CD28: variants seen among roughly 807,000 people sequenced by gnomAD.
The protein encoded by CD28 is CD28 molecule.
Under a neutral mutation model 21.4 loss-of-function variants are expected in CD28, and 8 were observed. The ratio of observed to expected loss-of-function variants is 0.37; its 90% CI spans 0.22 to 0.68. CD28 has a LOEUF of 0.68. Among genes scored for constraint, CD28 ranks in the 30% least tolerant of loss-of-function variants. CD28 has a pLI of 0.55. For missense variants in CD28, 239 were observed against 272.2 expected, an observed-to-expected ratio of 0.88 and a Z score of 0.86; for synonymous variants, 106 against 104.0, an observed-to-expected ratio of 1.02 and a Z score of -0.12.
At chr2:203,708,930 G>GC (rs1192424508) in intron 1 of CD28, among the ~76,000 whole-genome samples, 4 of 152,112 alleles carry the variant, frequency 2.6e-5, no homozygotes, top group African/African-American at 9.7e-5. Context: ...GACCCGTCGG[G>GC]CTAACATGGT....
intron 1 of CD28, among the ~76,000 whole-genome samples, chr2:203,716,189 C>T (rs1038844226): frequency 1.3e-5 from 2 of 152,146 alleles, no homozygotes; most frequent in Non-Finnish European, 2.9e-5. Flanking sequence ...CTGCCAGTTC[C>T]CAATAAACTC....
chr2:203,713,454 AG>A (rs1264519070), intron 1 of CD28, among the ~76,000 whole-genome samples: 1 of 152,178 alleles, frequency 6.6e-6, no homozygotes, highest in Non-Finnish European at 1.5e-5. Flanking sequence ...TGAGAGAGGC[AG>A]GGGGACACAG....
chr2:203,720,399 T>C (rs1693575845), intron 1 of CD28, among the ~76,000 whole-genome samples: 1 of 152,228 alleles, frequency 6.6e-6, no homozygotes, highest in Non-Finnish European at 1.5e-5. Flanking sequence ...ACAATGTTTC[T>C]TTTAACCTAG....
intron 1 of CD28, among the ~76,000 whole-genome samples, chr2:203,710,891 T>G (rs971024585): frequency 6.6e-6 from 1 of 152,192 alleles, no homozygotes; most frequent in Non-Finnish European, 1.5e-5. Flanking sequence ...GTTGGTTAAA[T>G]TTTTGTTTGC....
chr2:203,713,865 GAGAGAGAGAGAC>G (rs1340426865), intron 1 of CD28, among the ~76,000 whole-genome samples: 1 of 147,026 alleles, frequency 6.8e-6, no homozygotes, highest in African/African-American at 2.5e-5. Flanking sequence ...GAGAGAGAGA[GAGAGAGAGAGAC>G]AGAGAGAGAG....
In CD28 at chr2:203,726,648, T is replaced by C; in HGVS notation, c.68T>C (p.Val23Ala). The change falls in exon 2 of 4, where the codon GTG becomes GCG. Residue 23 changes from valine to alanine, a missense_variant. Physicochemically the swap from Val to Ala is moderately conservative, Grantham distance 64. Transcript: ENST00000324106. Reference sequence around the variant, plus strand: ...TTTCCCCCAGGAAACAAGATTTTGGTGAAGCAGTCGCCCATGCTTGTAGCG... The same window carrying C: ...TTTCCCCCAGGAAACAAGATTTTGGCGAAGCAGTCGCCCATGCTTGTAGCG... ...SIQVTGNKILVKQSPMLVAYD... is the reference protein window; with the variant it reads ...SIQVTGNKILAKQSPMLVAYD... 6.2e-7 allele frequency: 1 copy of C among 1,603,636 alleles called. No homozygotes were observed. Among genetic ancestry groups the C allele is most frequent in the Non-Finnish European group, 8.5e-7 (1 of 1,173,416 alleles).
rs1485131957 is a variant in CD28, at chr2:203,736,727, T to C, written c.*1815T>C. On this transcript the variant is annotated 3_prime_UTR_variant, in exon 4 of 4. Coordinates refer to ENST00000324106, the MANE Select transcript of CD28 (RefSeq NM_006139.4). ...GTAGACTTGGTTCAAGTCTCGTTAG[T>C]AGTTGAATAGCCTCAGGCAAGTCAC... 6.6e-6 allele frequency: 1 copy of C among 152,206 alleles called. No homozygotes were observed. Among genetic ancestry groups the C allele is most frequent in the Non-Finnish European group, 1.5e-5 (1 of 68,034 alleles). 9.4% of individuals were successfully genotyped at this position (152,206 alleles called of 1,614,324 possible).
At chr2:203,709,496 G>A (rs1488570959) in intron 1 of CD28, among the ~76,000 whole-genome samples, 1 of 152,210 alleles carries the variant, frequency 6.6e-6, no homozygotes, top group Non-Finnish European at 1.5e-5. Context: ...TTGGATGACA[G>A]TGTAGAGAGA....
Position 203,726,880 on chromosome 2 carries a change from G to A in CD28, c.300G>A (p.Gln100=). 6.2e-7 allele frequency: 1 copy of A among 1,613,916 alleles called. No individual in the cohort carries two copies. The highest frequency in any genetic ancestry group is 8.5e-7 in the Non-Finnish European group (1 of 1,179,824). ...ATGAATCAGTGACATTCTACCTCCA[G>A]AATTTGTATGTTAACCAAACAGATA... The part of the protein sequence containing the change: ...LGNESVTFYL[Q]NLYVNQTDIY... Residue 100 remains glutamine, a synonymous_variant, in exon 2 of 4, where the codon CAG becomes CAA. Coordinates refer to ENST00000324106, the MANE Select transcript of CD28 (RefSeq NM_006139.4).
intron 1 of CD28, among the ~76,000 whole-genome samples, chr2:203,709,432 A>G (rs984981241): frequency 5.3e-5 from 8 of 152,232 alleles, no homozygotes; most frequent in South Asian, 2.1e-4. Context: ...TGTTTACAGC[A>G]TAGCTTAAAA....
In CD28 at chr2:203,734,477, A is replaced by G. The variant is rs193256817; in HGVS notation, c.535-307A>G. Among the ~76,000 whole-genome samples, 19 of 152,372 alleles carry G rather than the reference A, an allele frequency of 1.2e-4. No homozygotes were observed. The East Asian group carries it at 3.1e-3, about 25-fold the overall frequency. ...CCTAGTCAAAGGAGGAAGGGCCTTCAAGTGTATTTACATATCAACAGTGGA... is the reference window on the plus strand; with the variant it reads ...CCTAGTCAAAGGAGGAAGGGCCTTCGAGTGTATTTACATATCAACAGTGGA... On this transcript the variant is annotated intron_variant, in intron 3 of 3. Transcript: ENST00000324106.
chr2:203,734,908 C>G lies in CD28; in HGVS notation c.659C>G (p.Ser220Cys), dbSNP rs762747357. 6.2e-7 allele frequency: 1 copy of G among 1,613,964 alleles called. No individual in the cohort carries two copies. Among genetic ancestry groups the G allele is most frequent in the Non-Finnish European group, 8.5e-7 (1 of 1,179,968 alleles). Residue 220 changes from serine to cysteine, a missense_variant, in exon 4 of 4, where the codon TCC becomes TGC. Ser to Cys is a moderately radical substitution (Grantham distance 112). Coordinates refer to ENST00000324106, the MANE Select transcript of CD28 (RefSeq NM_006139.4). ...CCACGCGACTTCGCAGCCTATCGCT[C>G]CTGACACGGACGCCTATCCAGAAGC... Reference protein sequence around the residue: ...APPRDFAAYRS With the variant: ...APPRDFAAYRC
intron 1 of CD28, among the ~76,000 whole-genome samples, chr2:203,713,170 C>T (rs779814195): frequency 3.9e-5 from 6 of 152,122 alleles, no homozygotes; most frequent in South Asian, 4.1e-4. Context: ...GGTGAAGCAG[C>T]GGAGAATCCA....
chr2:203,722,596 C>T (rs1216450189), intron 1 of CD28, among the ~76,000 whole-genome samples: 1 of 152,196 alleles, frequency 6.6e-6, no homozygotes, highest in Non-Finnish European at 1.5e-5. Flanking sequence ...TGTAAAGAAG[C>T]ATAACATGTG....
At chr2:203,729,846 C>T (rs949940249) in intron 3 of CD28, 74 bp downstream of exon 3, 3 of 1,500,572 alleles carry the variant, frequency 2.0e-6, no homozygotes, top group Admixed American at 3.9e-5. Flanking sequence ...AGAATTTTGC[C>T]TATGTGGTTT....
chr2:203,738,334 T>C lies in CD28; in HGVS notation c.*3422T>C, dbSNP rs553377355. ...GAACTATACCAGACCTGGATACTGA[T>C]CCCAAAGTGTTAAATTCAACTACAT... On this transcript the variant is annotated 3_prime_UTR_variant, in exon 4 of 4. Transcript: ENST00000324106. 6 of 152,250 alleles carry C rather than the reference T, an allele frequency of 3.9e-5. No homozygotes were observed. In the East Asian group the frequency reaches 1.2e-3, roughly 29 times the overall value. The allele number at this position is 152,250 out of a possible 1,614,324, so 9.4% of individuals were successfully genotyped here.
intron 1 of CD28, among the ~76,000 whole-genome samples, chr2:203,709,125 T>A (rs1051281171): frequency 2.1e-5 from 3 of 145,326 alleles, no homozygotes; most frequent in African/African-American, 5.1e-5. Context: ...AAAAAAAAAA[T>A]TATGCTGCAT....
intron 1 of CD28, among the ~76,000 whole-genome samples, chr2:203,709,426 T>G (rs1693254449): frequency 6.6e-6 from 1 of 152,252 alleles, no homozygotes; most frequent in Non-Finnish European, 1.5e-5. Context: ...CTTATTTGTT[T>G]ACAGCATAGC....
At chr2:203,727,027 A>G (rs376417471) in intron 2 of CD28, 38 bp downstream of exon 2, 2 of 1,298,648 alleles carry the variant, frequency 1.5e-6, no homozygotes, top group African/African-American at 2.9e-5. Flanking sequence ...CCCTAAAGTA[A>G]TGGTTTTCAA....
Sources: allele counts gnomAD v4.1 joint callset (sites outside exome capture counted in the v4.1 genomes callset), GRCh38; gene constraint gnomAD v4.1.1; transcripts MANE v1.5; gene names NCBI Gene and HGNC (gene_info 2026-07-23, HGNC 2026-07-21).